SGCZ: variants seen among roughly 807,000 people sequenced by gnomAD.
SGCZ encodes the protein sarcoglycan zeta.
A neutral mutation model predicts 41.3 loss-of-function variants in SGCZ; 40 were observed. The ratio of observed to expected loss-of-function variants is 0.97; its 90% CI spans 0.75 to 1.26. SGCZ has a LOEUF of 1.26. Among genes scored for constraint, SGCZ ranks in the 50% most tolerant of loss-of-function variants. The pLI is 0.00. For synonymous variants in SGCZ, 206 were observed against 137.5 expected (o/e 1.50, Z -3.49); for missense variants, 552 against 369.8 (o/e 1.49, Z -4.04).
chr8:14,299,248 A>C (rs996635089), intron 3 of SGCZ, among the ~76,000 whole-genome samples: 50 of 152,022 alleles, frequency 3.3e-4, no homozygotes, highest in African/African-American at 1.2e-3. Flanking sequence ...GAAAATATTT[A>C]CAAATTTCAG....
At chr8:14,257,513 A>C (rs185284415) in intron 3 of SGCZ, among the ~76,000 whole-genome samples, 2 of 151,784 alleles carry the variant, frequency 1.3e-5, no homozygotes, top group Non-Finnish European at 2.9e-5. Flanking sequence ...TTTTAGTTCT[A>C]GGGTACATGT....
intron 5 of SGCZ, among the ~76,000 whole-genome samples, chr8:14,147,660 C>T (rs1190940944): frequency 6.6e-6 from 1 of 152,056 alleles, no homozygotes; most frequent in Admixed American, 6.5e-5. Flanking sequence ...ATCCTCGAGA[C>T]AGAAAATAAA....
At chr8:14,397,638 G>A (rs11984827) in intron 2 of SGCZ, among the ~76,000 whole-genome samples, 19,819 of 151,928 alleles carry the variant, frequency 0.13, 2,793 homozygotes, top group African/African-American at 0.35. Context: ...GTCAGGCAGC[G>A]ATGAGCCTAA....
At chr8:14,435,707 T>C (rs1800070938) in intron 2 of SGCZ, among the ~76,000 whole-genome samples, 1 of 152,228 alleles carries the variant, frequency 6.6e-6, no homozygotes, top group Non-Finnish European at 1.5e-5. Flanking sequence ...AAGTGTTTTA[T>C]AAATCTCAAA....
rs900161749 is a variant in SGCZ at position 14,280,767 on chromosome 8, C to T, written c.337-43088G>A. ...TGTTCTTATACTTTTGTGCTATTAGCTTGACCCTTTCTTCAGTGCTTTTAA... is the reference window on the plus strand; with the variant it reads ...TGTTCTTATACTTTTGTGCTATTAGTTTGACCCTTTCTTCAGTGCTTTTAA... On this transcript the variant is annotated intron_variant, in intron 3 of 7. Transcript: ENST00000382080. Among the ~76,000 whole-genome samples, 59 of 148,610 alleles carry T rather than the reference C, an allele frequency of 4.0e-4. 1 individual carries two copies. The highest frequency in any genetic ancestry group is 1.4e-3 in the African/African-American group (57 of 40,552).
At chr8:15,002,201 C>CT (rs1398489891) in intron 1 of SGCZ, among the ~76,000 whole-genome samples, 1 of 86,598 alleles carries the variant, frequency 1.2e-5, no homozygotes, top group Admixed American at 1.3e-4. Flanking sequence ...ATAGTCAGCT[C>CT]TAAAAAAAAA....
intron 2 of SGCZ, among the ~76,000 whole-genome samples, chr8:14,433,100 C>CA (rs1223138459): frequency 6.6e-6 from 1 of 151,904 alleles, no homozygotes; most frequent in Non-Finnish European, 1.5e-5. Context: ...AGGAATTTCA[C>CA]AAACATGTTA....
intron 1 of SGCZ, among the ~76,000 whole-genome samples, chr8:15,028,697 G>A (rs1225527321): frequency 6.6e-6 from 1 of 152,032 alleles, no homozygotes; most frequent in Non-Finnish European, 1.5e-5. Flanking sequence ...TCTCACAGAT[G>A]ACTCTTACAA....
At chr8:14,653,675 T>G (rs181160335) in intron 1 of SGCZ, among the ~76,000 whole-genome samples, 60 of 152,254 alleles carry the variant, frequency 3.9e-4, no homozygotes, top group African/African-American at 1.3e-3. Context: ...CTTCGCTTTC[T>G]CATTCCTGTC....
chr8:14,142,795 T>C (rs934297158), intron 5 of SGCZ, among the ~76,000 whole-genome samples: 1 of 152,102 alleles, frequency 6.6e-6, no homozygotes, highest in Non-Finnish European at 1.5e-5. Context: ...TTGTGAGTTC[T>C]TGTGAGATCT....
chr8:15,129,242 G>A (rs1807812857), intron 1 of SGCZ, among the ~76,000 whole-genome samples: 4 of 152,008 alleles, frequency 2.6e-5, no homozygotes, highest in South Asian at 4.2e-4. Flanking sequence ...ACCCCTAATC[G>A]CGTCTATTAA....
At chr8:14,200,273 G>A (rs1008272770) in intron 4 of SGCZ, among the ~76,000 whole-genome samples, 11 of 152,158 alleles carry the variant, frequency 7.2e-5, no homozygotes, top group African/African-American at 2.4e-4. Context: ...ATATTGTTAA[G>A]ATAATCGATT....
chr8:14,113,047 T>A (rs974575945), intron 5 of SGCZ, among the ~76,000 whole-genome samples: 6 of 152,112 alleles, frequency 3.9e-5, no homozygotes, highest in Non-Finnish European at 8.8e-5. Context: ...CATCTCCTAT[T>A]TGTGTTATTT....
chr8:14,799,723 C>T (rs1406479961), intron 1 of SGCZ, among the ~76,000 whole-genome samples: 1 of 151,966 alleles, frequency 6.6e-6, no homozygotes, highest in Non-Finnish European at 1.5e-5. Context: ...GCGTAGAACC[C>T]TCCAGCTGAA....
chr8:14,575,033 A>C (rs944713326), intron 1 of SGCZ, among the ~76,000 whole-genome samples: 1 of 152,216 alleles, frequency 6.6e-6, no homozygotes, highest in Non-Finnish European at 1.5e-5. Flanking sequence ...GTTTTCTCAG[A>C]ATATAGTTAT....
chr8:15,097,899 TA>T, intron 1 of SGCZ, among the ~76,000 whole-genome samples: 1 of 123,886 alleles, frequency 8.1e-6, no homozygotes, highest in East Asian at 2.5e-4. Context: ...TATATATATA[TA>T]TATATATATA....
intron 1 of SGCZ, among the ~76,000 whole-genome samples, chr8:15,106,465 T>C (rs1806828482): frequency 6.6e-6 from 1 of 152,128 alleles, no homozygotes; most frequent in South Asian, 2.1e-4. Context: ...TTCACATTTA[T>C]GTCCAGATAG....
intron 1 of SGCZ, among the ~76,000 whole-genome samples, chr8:14,730,049 G>A (rs1236758133): frequency 6.6e-6 from 1 of 152,140 alleles, no homozygotes; most frequent in Non-Finnish European, 1.5e-5. Flanking sequence ...TCGTGCCAGG[G>A]CACTAGAGCC....
intron 1 of SGCZ, among the ~76,000 whole-genome samples, chr8:14,782,538 G>C (rs958307709): frequency 6.6e-6 from 1 of 152,122 alleles, no homozygotes. Flanking sequence ...GCATTTTGCA[G>C]ATACAAACGA....
Sources: gnomAD v4.1 joint callset for allele counts (sites outside exome capture counted in the v4.1 genomes callset) on GRCh38, gnomAD v4.1.1 for gene constraint, MANE v1.5 for transcripts, NCBI Gene and HGNC (gene_info 2026-07-23, HGNC 2026-07-21) for gene names.